The following MYO16 variants were observed in gnomAD, a reference collection of about 807,000 sequenced individuals.
MYO16 encodes myosin XVI, also known as unconventional myosin-XVI.
In MYO16, 94 loss-of-function variants were observed where a neutral mutation model predicts 205.3. That is an observed-to-expected ratio of 0.46 (90% CI 0.39 to 0.54). MYO16 has a LOEUF of 0.54. Among genes scored for constraint, MYO16 ranks in the 20% least tolerant of loss-of-function variants. The probability of loss-of-function intolerance (pLI) is 0.00; values close to 1 mark genes in which losing one functional copy is unlikely to be tolerated. For missense variants in MYO16, 2,315 were observed against 2,387.5 expected (o/e 0.97, Z 0.63); for synonymous variants, 988 against 954.0 (o/e 1.04, Z -0.66).
chr13:108,849,863 C>A (rs1373194672), intron 10 of MYO16, among the ~76,000 whole-genome samples: 1 of 145,830 alleles, frequency 6.9e-6, no homozygotes, highest in African/African-American at 2.6e-5. Flanking sequence ...GACTGCCTTC[C>A]TCCAAATCCT....
intron 32 of MYO16, among the ~76,000 whole-genome samples, chr13:109,149,213 G>A (rs750490029): frequency 3.3e-4 from 50 of 152,178 alleles, no homozygotes; most frequent in Non-Finnish European, 2.2e-4. Flanking sequence ...AGGTGCATAC[G>A]TATAATGGGA....
chr13:108,919,716 G>A (rs929351354), intron 16 of MYO16, among the ~76,000 whole-genome samples: 1 of 152,204 alleles, frequency 6.6e-6, no homozygotes, highest in Non-Finnish European at 1.5e-5. Flanking sequence ...TCTCAGGGTT[G>A]TTATGAGTAA....
intron 8 of MYO16, among the ~76,000 whole-genome samples, chr13:108,822,053 A>G (rs1876002954): frequency 6.6e-6 from 1 of 152,218 alleles, no homozygotes; most frequent in Non-Finnish European, 1.5e-5. Flanking sequence ...ATAAAACCAG[A>G]TGCAAGAATA....
chr13:108,764,569 C>G (rs549893795), intron 4 of MYO16, among the ~76,000 whole-genome samples: 1 of 152,096 alleles, frequency 6.6e-6, no homozygotes, highest in Admixed American at 6.6e-5. Flanking sequence ...ACCTGTGGTA[C>G]GTATCAGGGG....
chr13:108,922,368 G>C (rs1290693157), intron 16 of MYO16, among the ~76,000 whole-genome samples: 1 of 152,114 alleles, frequency 6.6e-6, no homozygotes, highest in African/African-American at 2.4e-5. Context: ...CATGGCACAG[G>C]GACAGAGAGG....
At chr13:108,669,162 A>G (rs537893198) in intron 2 of MYO16, among the ~76,000 whole-genome samples, 1 of 152,232 alleles carries the variant, frequency 6.6e-6, no homozygotes, top group South Asian at 2.1e-4. Context: ...AATATTAATA[A>G]TTCAGTGAAA....
intron 27 of MYO16, among the ~76,000 whole-genome samples, chr13:109,087,915 A>G (rs1888486600): frequency 6.6e-6 from 1 of 152,210 alleles, no homozygotes; most frequent in Non-Finnish European, 1.5e-5. Flanking sequence ...CAACAAATGA[A>G]CATCTGTTCT....
intron 27 of MYO16, among the ~76,000 whole-genome samples, chr13:109,080,095 CA>C (rs34001868): frequency 0.57 from 85,873 of 151,616 alleles, 24,504 homozygotes; most frequent in Non-Finnish European, 0.6. Flanking sequence ...AGGCTGGTCT[CA>C]AAACTCCTGA....
intron 31 of MYO16, among the ~76,000 whole-genome samples, chr13:109,135,458 T>G (rs1566525031): frequency 6.6e-6 from 1 of 152,214 alleles, no homozygotes; most frequent in Non-Finnish European, 1.5e-5. Flanking sequence ...GCTAGTAGTT[T>G]TTTCAGCCTG....
In MYO16 at chr13:109,141,091, G is replaced by C. The variant is rs1877063871; in HGVS notation, c.4879G>C (p.Gly1627Arg). 2.7e-6 allele frequency: 4 copies of C among 1,489,042 alleles called. No individual in the cohort carries two copies. Among genetic ancestry groups the C allele is most frequent in the Non-Finnish European group, 3.6e-6 (4 of 1,122,640 alleles). 92.2% of individuals were successfully genotyped at this position (1,489,042 alleles called of 1,614,324 possible). ...GCCGGAGCCCGCCCCGGTGAACGCG[G>C]GGAAAGCGGGGCCGAGCGCAGAGGC... ...FPPEPAPVNA[G>R]KAGPSAEAPK... The change falls in exon 32 of 35, where the codon GGG becomes CGG. Residue 1627 changes from glycine (G) to arginine (R), a missense_variant. Around this residue, in one of 3 missense-constraint regions of MYO16, gnomAD observed 1,097 missense variants for 1,092.0 expected, o/e 1.00. Coordinates refer to ENST00000457511, the MANE Select transcript of MYO16 (RefSeq NM_001198950.3). This position sits in a 1 kb window ranked among gnomAD's most constrained non-coding sequence, Gnocchi z 4.1.
At chr13:108,576,260 A>T in the MYO16 span, among the ~76,000 whole-genome samples, 1 of 152,180 alleles carries the variant, frequency 6.6e-6, no homozygotes. Context: ...TGGCTCCTAG[A>T]AGGAGGAATC....
At chr13:108,809,628 C>T (rs547564107) in intron 7 of MYO16, among the ~76,000 whole-genome samples, 20 of 152,270 alleles carry the variant, frequency 1.3e-4, no homozygotes, top group South Asian at 6.2e-4. Context: ...CACTCATTAT[C>T]GTGAGGACAG....
chr13:108,676,671 G>A (rs531693690), intron 2 of MYO16, among the ~76,000 whole-genome samples: 2 of 152,194 alleles, frequency 1.3e-5, no homozygotes, highest in Non-Finnish European at 2.9e-5. Context: ...ATGGACCAAA[G>A]CCCATGTGGA....
In MYO16 at chr13:108,909,999, C is replaced by A. The variant is rs374926885; in HGVS notation, c.1778-4C>A. ...AACAGAATCACTTTTCTTTTCCCAA[C>A]CAGCCAGAATTTATACATATTTGCT... On this transcript the variant is annotated splice_region_variant and splice_polypyrimidine_tract_variant and intron_variant, in intron 15 of 34. Coordinates refer to ENST00000457511, the MANE Select transcript of MYO16 (RefSeq NM_001198950.3). 6.2e-7 allele frequency: 1 copy of A among 1,608,756 alleles called. No individual in the cohort carries two copies. The highest frequency in any genetic ancestry group is 8.5e-7 in the Non-Finnish European group (1 of 1,177,370).
chr13:108,902,130 T>C (rs9670711), intron 15 of MYO16, among the ~76,000 whole-genome samples: 2,534 of 152,310 alleles, frequency 0.017, 60 homozygotes, highest in African/African-American at 0.057. Flanking sequence ...AGGTATATTA[T>C]GCGTACTATA....
intron 16 of MYO16, among the ~76,000 whole-genome samples, chr13:108,952,168 T>C (rs1030162640): frequency 2.0e-5 from 3 of 151,606 alleles, no homozygotes; most frequent in African/African-American, 7.3e-5. Context: ...TAAAACGATA[T>C]ATAGTTGATA....
At chr13:108,866,119 A>G (rs894198234) in intron 11 of MYO16, 58 bp from the exon 12 acceptor site, 2 of 1,044,494 alleles carry the variant, frequency 1.9e-6, no homozygotes, top group Admixed American at 2.6e-5. Context: ...TATGATTTTT[A>G]TTGTTTAAAG....
chr13:108,530,262 G>T, the MYO16 span, among the ~76,000 whole-genome samples: 1 of 152,146 alleles, frequency 6.6e-6, no homozygotes, highest in Non-Finnish European at 1.5e-5. Flanking sequence ...GTCGAAGGAC[G>T]AATTACTGGG....
At chr13:108,790,609 G>T (rs1173972542) in intron 5 of MYO16, among the ~76,000 whole-genome samples, 1 of 152,150 alleles carries the variant, frequency 6.6e-6, no homozygotes. Flanking sequence ...GAGCATTAAA[G>T]AAATTTGTTT....
Sources: allele counts gnomAD v4.1 joint callset (sites outside exome capture counted in the v4.1 genomes callset), GRCh38; gene constraint gnomAD v4.1.1; regional missense constraint gnomAD v4.1.1; non-coding constraint Gnocchi (gnomAD v3.1); transcripts MANE v1.5; gene names NCBI Gene and HGNC (gene_info 2026-07-23, HGNC 2026-07-21).